AP4E1: variants seen among roughly 807,000 people sequenced by gnomAD.
The protein encoded by AP4E1 is adaptor related protein complex 4 subunit epsilon 1, also known as AP-4 complex subunit epsilon-1.
A neutral mutation model predicts 128.2 loss-of-function variants in AP4E1; 56 were observed. The ratio of observed to expected loss-of-function variants is 0.44; its 90% CI spans 0.35 to 0.55. The LOEUF is 0.55. AP4E1 is among the 20% of genes least tolerant of loss of function. The pLI is 0.00. For synonymous variants in AP4E1, 484 were observed against 473.1 expected (o/e 1.02, Z -0.30); for missense variants, 1,324 against 1,307.7 (o/e 1.01, Z -0.19).
At chr15:50,952,569 A>G (rs1596480053) in intron 13 of AP4E1, among the ~76,000 whole-genome samples, 1 of 151,826 alleles carries the variant, frequency 6.6e-6, no homozygotes, top group East Asian at 1.9e-4. Flanking sequence ...TATACTGTCC[A>G]TACTCTGATT....
intron 14 of AP4E1, among the ~76,000 whole-genome samples, chr15:50,966,008 C>T (rs991479126): frequency 6.6e-6 from 1 of 152,054 alleles, no homozygotes; most frequent in Non-Finnish European, 1.5e-5. Flanking sequence ...ACCTCTGCCT[C>T]CCGGGTTCAA....
At chr15:50,958,102 G>A (rs1486862691) in intron 13 of AP4E1, among the ~76,000 whole-genome samples, 1 of 152,068 alleles carries the variant, frequency 6.6e-6, no homozygotes. Flanking sequence ...CTAGAAATCT[G>A]TATTTTTAAT....
At chr15:50,965,383 G>A (rs1401757078) in intron 14 of AP4E1, among the ~76,000 whole-genome samples, 1 of 152,218 alleles carries the variant, frequency 6.6e-6, no homozygotes, top group Non-Finnish European at 1.5e-5. Flanking sequence ...TGGCAGGATT[G>A]GGTGTGCCAG....
chr15:50,976,791 A>G lies in AP4E1; in HGVS notation c.1967-7231A>G, dbSNP rs185696150. On this transcript the variant is annotated intron_variant, in intron 15 of 20. Coordinates refer to ENST00000261842, the MANE Select transcript of AP4E1 (RefSeq NM_007347.5). ...AATTTATGATAGCACCAAAAGGAAC[A>G]AAATACCTAATAATAAACTGAAGCA... 2.5e-3 allele frequency among the ~76,000 whole-genome samples: 378 copies of G among 152,362 alleles called. 1 individual carries two copies. The highest frequency in any genetic ancestry group is 8.8e-3 in the African/African-American group (368 of 41,592).
intron 10 of AP4E1, among the ~76,000 whole-genome samples, chr15:50,946,592 C>A (rs2064065006): frequency 6.6e-6 from 1 of 151,918 alleles, no homozygotes; most frequent in African/African-American, 2.4e-5. Flanking sequence ...AATATGTTAT[C>A]CTTTCTGCTT....
intron 11 of AP4E1, among the ~76,000 whole-genome samples, chr15:50,949,248 T>TA (rs2140860656): frequency 1.3e-5 from 2 of 150,996 alleles, no homozygotes; most frequent in East Asian, 3.9e-4. Context: ...CTGTCTCTAC[T>TA]AAAACACAAA....
chr15:50,945,333 C>T (rs2140852165), intron 10 of AP4E1: 3 of 780,252 alleles, frequency 3.8e-6, no homozygotes, highest in East Asian at 2.4e-5. Context: ...TAGTACTGTA[C>T]AACATGAGGC....
intron 10 of AP4E1, among the ~76,000 whole-genome samples, chr15:50,944,001 A>G (rs2064023046): frequency 6.6e-6 from 1 of 152,168 alleles, no homozygotes; most frequent in Non-Finnish European, 1.5e-5. Context: ...GGTTTATAAT[A>G]TTATTGTATT....
chr15:50,995,737 T>C (rs538042867), intron 17 of AP4E1, among the ~76,000 whole-genome samples: 43 of 152,228 alleles, frequency 2.8e-4, no homozygotes, highest in African/African-American at 1.0e-3. Context: ...CTAAACTGTT[T>C]CTTTTCTTCA....
chr15:50,988,245 A>T, intron 16 of AP4E1, among the ~76,000 whole-genome samples: 1 of 152,210 alleles, frequency 6.6e-6, no homozygotes, highest in East Asian at 1.9e-4. Flanking sequence ...GTGATCTACC[A>T]AACAGCAGAT....
intron 15 of AP4E1, among the ~76,000 whole-genome samples, chr15:50,973,318 A>T (rs1254095543): frequency 5.3e-5 from 8 of 152,250 alleles, no homozygotes; most frequent in Admixed American, 5.2e-4. Flanking sequence ...CCAAAAAGTT[A>T]TGAACATTAT....
At chr15:50,957,433 G>GGGGCA (rs1228858157) in intron 13 of AP4E1, among the ~76,000 whole-genome samples, 1 of 152,080 alleles carries the variant, frequency 6.6e-6, no homozygotes, top group Non-Finnish European at 1.5e-5. Flanking sequence ...GGCACAGGAT[G>GGGGCA]GGGCAGGGCA....
At chr15:50,923,009 C>T (rs988469802) in intron 3 of AP4E1, among the ~76,000 whole-genome samples, 1 of 152,172 alleles carries the variant, frequency 6.6e-6, no homozygotes, top group African/African-American at 2.4e-5. Context: ...GATCTCCTAA[C>T]CTCGTGATTC....
chr15:50,915,357 A>G (rs1180875167), intron 2 of AP4E1, 91 bp from the exon 3 acceptor site: 1 of 1,347,720 alleles, frequency 7.4e-7, no homozygotes. Context: ...CACCAGGATT[A>G]AAGGATTCTC....
chr15:50,945,729 T>G, intron 10 of AP4E1: 2 of 778,352 alleles, frequency 2.6e-6, no homozygotes, highest in South Asian at 2.8e-5. Flanking sequence ...AAGCTAATGC[T>G]TCTGAAAAAT....
chr15:50,956,938 G>A (rs1054036866), intron 13 of AP4E1, among the ~76,000 whole-genome samples: 17 of 152,190 alleles, frequency 1.1e-4, no homozygotes, highest in Admixed American at 3.3e-4. Flanking sequence ...GCATGCAGGT[G>A]AGCGGGTGCA....
At chr15:50,980,952 G>T (rs2064635360) in intron 15 of AP4E1, among the ~76,000 whole-genome samples, 1 of 152,202 alleles carries the variant, frequency 6.6e-6, no homozygotes, top group Non-Finnish European at 1.5e-5. Flanking sequence ...ACTCCCTGGG[G>T]CTTAGGCAGA....
At chr15:50,982,720 C>T (rs1045931265) in intron 15 of AP4E1, among the ~76,000 whole-genome samples, 1 of 152,140 alleles carries the variant, frequency 6.6e-6, no homozygotes, top group African/African-American at 2.4e-5. Context: ...ATTGATTCTT[C>T]TTCTGTATCA....
intron 15 of AP4E1, among the ~76,000 whole-genome samples, chr15:50,979,026 A>G (rs1567251787): frequency 1.3e-5 from 2 of 151,816 alleles, no homozygotes; most frequent in Admixed American, 6.6e-5. Context: ...GTTCCTTTCC[A>G]TGTCTGTTTT....
Sources: gnomAD v4.1 joint callset for allele counts (sites outside exome capture counted in the v4.1 genomes callset) on GRCh38, gnomAD v4.1.1 for gene constraint, MANE v1.5 for transcripts, NCBI Gene and HGNC (gene_info 2026-07-23, HGNC 2026-07-21) for gene names.